Variants in DDX60 observed in about 807,000 individuals in gnomAD.
The protein encoded by DDX60 is DExD/H-box helicase 60, also known as probable ATP-dependent RNA helicase DDX60.
A neutral mutation model predicts 212.8 loss-of-function variants in DDX60; 165 were observed. That is an observed-to-expected ratio of 0.78 (90% CI 0.68 to 0.88). The LOEUF (loss-of-function observed/expected upper bound fraction) is 0.88. Ranked by LOEUF, DDX60 falls within the 40% of genes least tolerant of loss-of-function variation. DDX60 has a pLI of 0.00. For synonymous variants in DDX60, 703 were observed against 685.3 expected (o/e 1.03, Z -0.40); for missense variants, 1,905 against 2,003.9 (o/e 0.95, Z 0.94).
rs1003250571 is a variant in DDX60, at chr4:168,306,370, G to A, written c.606+9C>T. On this transcript the variant is annotated intron_variant, in intron 5 of 37. Coordinates refer to ENST00000393743, the MANE Select transcript of DDX60 (RefSeq NM_017631.6). Reference sequence around the variant, plus strand: ...TTCTAGAAGAAATTGTCTTTTGGATGTGAATTACCTTCCAGGAAAAAATCT... The same window carrying A: ...TTCTAGAAGAAATTGTCTTTTGGATATGAATTACCTTCCAGGAAAAAATCT... 1.9e-6 allele frequency: 3 copies of A among 1,570,554 alleles called. No homozygotes were observed. Among genetic ancestry groups the A allele is most frequent in the Non-Finnish European group, 2.6e-6 (3 of 1,158,054 alleles).
At chr4:168,297,297 C>CAAGAAAGAAAGAAA (rs1491399857) in intron 6 of DDX60, among the ~76,000 whole-genome samples, 10 of 67,388 alleles carry the variant, frequency 1.5e-4, no homozygotes, top group Non-Finnish European at 8.6e-5. Context: ...GAGAGAGAGA[C>CAAGAAAGAAAGAAA]GAAAGAAAGA....
upstream of DDX60, among the ~76,000 whole-genome samples, chr4:168,319,426 C>A (rs929330822): frequency 2.0e-5 from 3 of 151,708 alleles, no homozygotes; most frequent in Admixed American, 6.6e-5. Context: ...TACTTGTATG[C>A]AAAAAGAAAA....
intron 33 of DDX60, among the ~76,000 whole-genome samples, chr4:168,230,357 C>T (rs913987849): frequency 3.3e-5 from 5 of 152,024 alleles, no homozygotes; most frequent in African/African-American, 1.2e-4. Flanking sequence ...CACCCTAGGA[C>T]AAATGGACTT....
chr4:168,237,932 A>G, intron 30 of DDX60, 137 bp from the exon 31 acceptor site: 2 of 611,908 alleles, frequency 3.3e-6, no homozygotes, highest in East Asian at 3.2e-5. Context: ...TTGATTTCAT[A>G]TTATTTTATA....
rs190880425 is a variant in DDX60, at chr4:168,249,359, G to T, written c.3859-1067C>A. ...TCTTTTTATATTGATTGTCATACAT[G>T]CCAATGGTTAGTATTAATGTTTAAG... On this transcript the variant is annotated intron_variant, in intron 28 of 37. Coordinates refer to ENST00000393743, the MANE Select transcript of DDX60 (RefSeq NM_017631.6). Among the ~76,000 whole-genome samples the T allele has an allele frequency of 2.7e-3, 410 of 152,184 alleles. 1 individual carries two copies. Among genetic ancestry groups the T allele is most frequent in the African/African-American group, 9.4e-3 (391 of 41,522 alleles).
At chr4:168,248,900 C>T (rs1470230503) in intron 28 of DDX60, among the ~76,000 whole-genome samples, 2 of 152,040 alleles carry the variant, frequency 1.3e-5, no homozygotes, top group African/African-American at 4.8e-5. Flanking sequence ...GCTGGGATTA[C>T]AGGCACCCAC....
intron 22 of DDX60, among the ~76,000 whole-genome samples, chr4:168,266,838 T>C (rs1734867924): frequency 6.6e-6 from 1 of 152,228 alleles, no homozygotes; most frequent in Admixed American, 6.5e-5. Flanking sequence ...TCAAATTATG[T>C]TGACTTTTGT....
chr4:168,230,135 T>TAA (rs1733393082), intron 33 of DDX60, among the ~76,000 whole-genome samples: 1 of 152,078 alleles, frequency 6.6e-6, no homozygotes, highest in Admixed American at 6.6e-5. Context: ...GGACACTATA[T>TAA]AATGATAAAA....
chr4:168,241,219 T>G (rs1578987838), intron 30 of DDX60, among the ~76,000 whole-genome samples: 1 of 152,160 alleles, frequency 6.6e-6, no homozygotes, highest in African/African-American at 2.4e-5. Flanking sequence ...TTTGTAAATT[T>G]CCCACTCTTG....
At chr4:168,264,570 T>G (rs1213878430) in intron 22 of DDX60, among the ~76,000 whole-genome samples, 1 of 152,190 alleles carries the variant, frequency 6.6e-6, no homozygotes, top group Non-Finnish European at 1.5e-5. Flanking sequence ...TATGATTTCT[T>G]AAGTCTCTTA....
At chr4:168,312,745 G>GATAGATAGATAGATAGATAGATAT (rs1737195250) in intron 1 of DDX60, among the ~76,000 whole-genome samples, 1 of 152,112 alleles carries the variant, frequency 6.6e-6, no homozygotes, top group African/African-American at 2.4e-5. Flanking sequence ...TAGATAGATA[G>GATAGATAGATAGATAGATAGATAT]ATATGATAGA....
chr4:168,314,834 A>G (rs887801328), intron 1 of DDX60, among the ~76,000 whole-genome samples: 16 of 152,214 alleles, frequency 1.1e-4, no homozygotes, highest in Admixed American at 1.0e-3. Flanking sequence ...CTAATATTAG[A>G]CTAGAACTAA....
At chr4:168,248,798 C>A (rs1277989688) in intron 28 of DDX60, among the ~76,000 whole-genome samples, 1 of 149,046 alleles carries the variant, frequency 6.7e-6, no homozygotes, top group Non-Finnish European at 1.5e-5. Flanking sequence ...TCGCTCTTGT[C>A]GCCCAAGCTG....
intron 6 of DDX60, among the ~76,000 whole-genome samples, chr4:168,300,202 T>C (rs180936233): frequency 2.0e-5 from 3 of 152,218 alleles, no homozygotes; most frequent in Admixed American, 2.0e-4. Context: ...ATTATATCCA[T>C]AATTTTAGTA....
intron 33 of DDX60, among the ~76,000 whole-genome samples, chr4:168,226,525 T>G (rs979292300): frequency 1.3e-5 from 2 of 152,104 alleles, no homozygotes; most frequent in African/African-American, 4.8e-5. Flanking sequence ...TAATTATTAA[T>G]TTTTTATTTT....
intron 37 of DDX60, among the ~76,000 whole-genome samples, chr4:168,217,898 G>T (rs1244675577): frequency 6.6e-6 from 1 of 152,162 alleles, no homozygotes; most frequent in Non-Finnish European, 1.5e-5. Flanking sequence ...GACACATTTT[G>T]GACTTCTGAC....
At chr4:168,248,133 A>T in intron 29 of DDX60, 55 bp downstream of exon 29, 1 of 1,179,384 alleles carries the variant, frequency 8.5e-7, no homozygotes, top group Non-Finnish European at 1.2e-6. Flanking sequence ...ATGTTTTACT[A>T]CGCTATGGCC....
chr4:168,244,485 G>A (rs538397058), intron 30 of DDX60, among the ~76,000 whole-genome samples: 1 of 152,312 alleles, frequency 6.6e-6, no homozygotes, highest in Non-Finnish European at 1.5e-5. Context: ...CCAGTACTTT[G>A]GGAGGCTAAG....
At chr4:168,270,914 G>A (rs1339125627) in intron 19 of DDX60, among the ~76,000 whole-genome samples, 2 of 114,102 alleles carry the variant, frequency 1.8e-5, no homozygotes, top group Non-Finnish European at 3.3e-5. Flanking sequence ...GTTTCGCTCT[G>A]GTACCCAGGC....
Sources: allele counts gnomAD v4.1 joint callset (sites outside exome capture counted in the v4.1 genomes callset), GRCh38; gene constraint gnomAD v4.1.1; transcripts MANE v1.5; gene names NCBI Gene and HGNC (gene_info 2026-07-23, HGNC 2026-07-21).